The following TNFAIP8 variants were observed in gnomAD, a reference collection of about 807,000 sequenced individuals.
TNFAIP8 encodes the protein TNF alpha induced protein 8, also known as tumor necrosis factor alpha-induced protein 8.
TNFAIP8 carries 7 observed loss-of-function variants against 13.3 expected under a neutral mutation model. The observed-to-expected ratio is 0.52, with a 90% CI of 0.30 to 0.99. The LOEUF (loss-of-function observed/expected upper bound fraction) is 0.99. Among genes scored for constraint, TNFAIP8 ranks in the 50% least tolerant of loss-of-function variants. The pLI is 0.07. For synonymous variants in TNFAIP8, 94 were observed against 87.6 expected (o/e 1.07, Z -0.41); for missense variants, 258 against 236.9 (o/e 1.09, Z -0.58).
intron 1 of TNFAIP8, among the ~76,000 whole-genome samples, chr5:119,275,952 A>G (rs1748429134): frequency 6.6e-6 from 1 of 152,042 alleles, no homozygotes; most frequent in Admixed American, 6.6e-5. Flanking sequence ...AGTTGAGCAC[A>G]CCAGGGCCTT....
chr5:119,343,520 T>C (rs1238698757), intron 1 of TNFAIP8, among the ~76,000 whole-genome samples: 2 of 152,218 alleles, frequency 1.3e-5, no homozygotes, highest in African/African-American at 4.8e-5. Context: ...AGATTATTCT[T>C]ATATGCTATC....
intron 1 of TNFAIP8, among the ~76,000 whole-genome samples, chr5:119,383,812 C>T (rs979509163): frequency 2.0e-5 from 3 of 152,114 alleles, no homozygotes; most frequent in South Asian, 2.1e-4. Flanking sequence ...AGTATATTGT[C>T]GTTTTAGGTT....
chr5:119,326,804 C>T (rs950733629), intron 1 of TNFAIP8, among the ~76,000 whole-genome samples: 2 of 151,966 alleles, frequency 1.3e-5, no homozygotes, highest in African/African-American at 4.8e-5. Context: ...AGAGTGGGAC[C>T]CACGATGACA....
chr5:119,300,474 A>AT (rs1326529016), intron 1 of TNFAIP8, among the ~76,000 whole-genome samples: 1 of 152,166 alleles, frequency 6.6e-6, no homozygotes, highest in African/African-American at 2.4e-5. Flanking sequence ...GAGTAATGGA[A>AT]TTTTTTTGCA....
intron 1 of TNFAIP8, among the ~76,000 whole-genome samples, chr5:119,366,333 G>A (rs1751857118): frequency 6.6e-6 from 1 of 152,082 alleles, no homozygotes; most frequent in African/African-American, 2.4e-5. Flanking sequence ...CCAATGAAAT[G>A]TGGCATTTGG....
At chr5:119,348,880 CAAAAAAAAAAAAAA>C (rs60633145) in intron 1 of TNFAIP8, among the ~76,000 whole-genome samples, 4,286 of 90,994 alleles carry the variant, frequency 0.047, 232 homozygotes, top group African/African-American at 0.12. Flanking sequence ...AACTCCATCT[CAAAAAAAAAAAAAA>C]AAAAAAAAAA....
At chr5:119,278,376 AGTGTGTGTGT>A (rs71591297) in intron 1 of TNFAIP8, among the ~76,000 whole-genome samples, 1,637 of 108,190 alleles carry the variant, frequency 0.015, 27 homozygotes, top group South Asian at 0.05. Flanking sequence ...AGAGAGAGAG[AGTGTGTGTGT>A]GTGTGTGTGT....
Position 119,393,479 on chromosome 5 carries a change from T to C in TNFAIP8, c.*98T>C. On this transcript the variant is annotated 3_prime_UTR_variant, in exon 2 of 2. Coordinates refer to ENST00000504771, the MANE Select transcript of TNFAIP8 (RefSeq NM_014350.4). ...AGAAGAATTTTCTAAAGATTACACA[T>C]ATTTCAGAAAGACTTTACCCAATTC... The C allele has an allele frequency of 8.7e-7, 1 of 1,146,760 alleles. No individual in the cohort carries two copies. The highest frequency in any genetic ancestry group is 1.2e-6 in the Non-Finnish European group (1 of 813,674). The allele number at this position is 1,146,760 out of a possible 1,614,324, so 71.0% of individuals were successfully genotyped here. A position where few individuals can be genotyped will look rare whatever the true frequency, so the allele number is the denominator to read the frequency against.
At chr5:119,391,548 C>A in intron 1 of TNFAIP8, 1 of 614,892 alleles carries the variant, frequency 1.6e-6, no homozygotes, top group Admixed American at 2.2e-5. Flanking sequence ...TCACCTGAGG[C>A]CAGGAGTTCG....
chr5:119,390,945 A>G lies in TNFAIP8; in HGVS notation c.32-1871A>G, dbSNP rs564376210. 7.1e-4 allele frequency among the ~76,000 whole-genome samples: 107 copies of G among 150,486 alleles called. 2 individuals are homozygous for G. Among genetic ancestry groups the G allele is most frequent in the Middle Eastern group, 3.5e-3 (1 of 286 alleles). ...ATTATTCTCCCACCTCCAACTCCCT[A>G]GTAACTGGGACTACAGGTGCATGCC... On this transcript the variant is annotated intron_variant, in intron 1 of 1. Coordinates refer to ENST00000504771, the MANE Select transcript of TNFAIP8 (RefSeq NM_014350.4).
intron 1 of TNFAIP8, among the ~76,000 whole-genome samples, chr5:119,324,291 AAAAAAAAAAAAAAAAAAAAAAAAGAAG>A (rs1399978834): frequency 4.0e-5 from 2 of 49,668 alleles, no homozygotes; most frequent in African/African-American, 9.1e-5. Flanking sequence ...AAAAAAAAAA[AAAAAAAAAAAAAAAAAAAAAAAAGAAG>A]AAGTTCCAAG....
chr5:119,298,176 TA>T lies in TNFAIP8; in HGVS notation c.1+29270del. On this transcript the variant is annotated intron_variant, in intron 1 of 1. Transcript: ENST00000274456. ...GATGTTAGCTGGTTATTTTGCTCGT[TA>T]GTTGATGCAGTTTCTTCCTAGCCTC... Among the ~76,000 whole-genome samples, 5 of 150,430 alleles carry T rather than the reference TA, an allele frequency of 3.3e-5. No homozygotes were observed. In the South Asian group the frequency reaches 6.3e-4, roughly 19 times the overall value.
intron 1 of TNFAIP8, among the ~76,000 whole-genome samples, chr5:119,271,574 A>G (rs1290654032): frequency 1.3e-5 from 2 of 152,188 alleles, no homozygotes; most frequent in Non-Finnish European, 2.9e-5. Context: ...CAGTGATGAT[A>G]AATAAGGGCC....
chr5:119,292,162 A>C (rs1453504771), intron 1 of TNFAIP8, among the ~76,000 whole-genome samples: 2 of 152,142 alleles, frequency 1.3e-5, no homozygotes, highest in African/African-American at 2.4e-5. Flanking sequence ...GAAAGTCTGC[A>C]GGAGGTAAAG....
chr5:119,312,978 C>T (rs1749780845), intron 1 of TNFAIP8, among the ~76,000 whole-genome samples: 3 of 152,126 alleles, frequency 2.0e-5, no homozygotes, highest in South Asian at 4.1e-4. Context: ...CTAATAAAAA[C>T]CGGGACAAAT....
intron 1 of TNFAIP8, among the ~76,000 whole-genome samples, chr5:119,386,895 G>A (rs1006786858): frequency 5.3e-5 from 8 of 152,084 alleles, no homozygotes; most frequent in Admixed American, 3.3e-4. Flanking sequence ...TGCCATGGTC[G>A]TTGCTTCTGA....
intron 1 of TNFAIP8, among the ~76,000 whole-genome samples, chr5:119,276,464 C>G (rs899528724): frequency 2.6e-5 from 4 of 152,026 alleles, no homozygotes; most frequent in Non-Finnish European, 5.9e-5. Context: ...TGATAGTGTT[C>G]TATATAAGTG....
intron 1 of TNFAIP8, among the ~76,000 whole-genome samples, chr5:119,284,054 T>G (rs1215390211): frequency 6.6e-6 from 1 of 152,194 alleles, no homozygotes; most frequent in Admixed American, 6.5e-5. Flanking sequence ...TGCCAGGCAC[T>G]GTGCTAAGAT....
chr5:119,353,158 A>T (rs1751240540), upstream of TNFAIP8, among the ~76,000 whole-genome samples: 1 of 152,250 alleles, frequency 6.6e-6, no homozygotes, highest in Non-Finnish European at 1.5e-5. Flanking sequence ...ACATGTTGCC[A>T]TGTGAAGGAT....
Sources: allele counts gnomAD v4.1 joint callset (sites outside exome capture counted in the v4.1 genomes callset), GRCh38; gene constraint gnomAD v4.1.1; transcripts MANE v1.5; gene names NCBI Gene and HGNC (gene_info 2026-07-23, HGNC 2026-07-21).